ZNF521: variants seen among roughly 807,000 people sequenced by gnomAD.
The protein encoded by ZNF521 is LYST-interacting protein 3.
In ZNF521, 14 loss-of-function variants were observed where a neutral mutation model predicts 105.5. That is an observed-to-expected ratio of 0.13 (90% CI 0.09 to 0.21). The LOEUF is 0.21. ZNF521 is among the 10% of genes least tolerant of loss of function. The pLI is 1.00. For missense variants in ZNF521, 1,233 were observed against 1,629.7 expected, an observed-to-expected ratio of 0.76 and a Z score of 4.19; for synonymous variants, 635 against 606.0, an observed-to-expected ratio of 1.05 and a Z score of -0.70.
intron 3 of ZNF521, among the ~76,000 whole-genome samples, chr18:25,283,987 T>A (rs1344716084): frequency 7.1e-6 from 1 of 140,212 alleles, no homozygotes. Context: ...GACGGCTGAG[T>A]TCTGTGAGAA....
At chr18:25,260,236 A>T (rs1045555510) in intron 3 of ZNF521, among the ~76,000 whole-genome samples, 1 of 152,192 alleles carries the variant, frequency 6.6e-6, no homozygotes, top group Non-Finnish European at 1.5e-5. Flanking sequence ...CAAAAAAAAG[A>T]AATGCTAAAA....
At chr18:25,346,032 C>T (rs138769637) in intron 2 of ZNF521, among the ~76,000 whole-genome samples, 2 of 152,222 alleles carry the variant, frequency 1.3e-5, no homozygotes, top group African/African-American at 4.8e-5. Context: ...TTTTAAAAAA[C>T]TTACCTTAGG....
At chr18:25,244,884 C>A (rs1362381478) in intron 3 of ZNF521, among the ~76,000 whole-genome samples, 1 of 152,302 alleles carries the variant, frequency 6.6e-6, no homozygotes, top group Non-Finnish European at 1.5e-5. Flanking sequence ...TTCTACCAAC[C>A]TTATATATTT....
At chr18:25,078,600 T>C (rs2144156828) in intron 7 of ZNF521, among the ~76,000 whole-genome samples, 1 of 152,170 alleles carries the variant, frequency 6.6e-6, no homozygotes, top group South Asian at 2.1e-4. Context: ...ATAAGTGGAG[T>C]CTAAGGCATA....
chr18:25,194,641 C>A (rs1410562839), intron 5 of ZNF521, among the ~76,000 whole-genome samples: 1 of 151,664 alleles, frequency 6.6e-6, no homozygotes, highest in Admixed American at 6.6e-5. Flanking sequence ...GAATTCTTTA[C>A]ATGATCTTTA....
At chr18:25,131,999 T>G (rs1248412983) in intron 5 of ZNF521, among the ~76,000 whole-genome samples, 1 of 151,982 alleles carries the variant, frequency 6.6e-6, no homozygotes, top group Non-Finnish European at 1.5e-5. Context: ...AAAGAAAGGA[T>G]TTTTTAAAAG....
rs145372173 is a variant in ZNF521 at position 25,257,498 on chromosome 18, C to T, written c.221-29801G>A. Among the ~76,000 whole-genome samples the T allele has an allele frequency of 1.8e-3, 268 of 152,272 alleles. 3 individuals carry two copies. Among genetic ancestry groups the T allele is most frequent in the Non-Finnish European group, 1.9e-3 (128 of 68,026 alleles). On this transcript the variant is annotated intron_variant, in intron 3 of 7. Coordinates refer to ENST00000361524, the MANE Select transcript of ZNF521 (RefSeq NM_015461.3). The stretch of plus-strand genomic sequence containing the variant: ...GTTCAAAAGGGACTAGATTTCTATA[C>T]TGTTTCCTATCCATGCAGTTCTAAT...
At chr18:25,164,776 CTATT>C (rs1188529708) in intron 5 of ZNF521, among the ~76,000 whole-genome samples, 4 of 152,156 alleles carry the variant, frequency 2.6e-5, no homozygotes, top group Non-Finnish European at 1.5e-5. Flanking sequence ...ACTCAATTCA[CTATT>C]TATGCTGAAA....
rs570781015 is a variant in ZNF521 at position 25,312,653 on chromosome 18, A to C, written c.220+9355T>G. Among the ~76,000 whole-genome samples the C allele has an allele frequency of 1.9e-4, 19 of 102,034 alleles. 5 individuals carry two copies. The highest frequency in any genetic ancestry group is 6.4e-4 in the African/African-American group (17 of 26,764). The allele number at this position is 102,034 out of a possible 152,430, so 66.9% of individuals were successfully genotyped here. A position where few individuals can be genotyped will look rare whatever the true frequency, so the allele number is the denominator to read the frequency against. ...AGGTGAAACCCCGTCTCTACTAAAA[A>C]TACAAAAATTAGCCGGGCGCGGTGG... On this transcript the variant is annotated intron_variant, in intron 3 of 7. Transcript: ENST00000361524.
At chr18:25,073,309 T>C (rs951912141) in intron 7 of ZNF521, among the ~76,000 whole-genome samples, 1 of 152,226 alleles carries the variant, frequency 6.6e-6, no homozygotes, top group Non-Finnish European at 1.5e-5. Context: ...CCCTTTTCTC[T>C]TAGATTTTGA....
intron 5 of ZNF521, among the ~76,000 whole-genome samples, chr18:25,128,549 A>G (rs1430730937): frequency 6.6e-6 from 1 of 152,044 alleles, no homozygotes; most frequent in Non-Finnish European, 1.5e-5. Flanking sequence ...CTATGTAGAA[A>G]ATCCCAGAGA....
Position 25,227,757 on chromosome 18 carries a change from C to T in ZNF521, c.221-60G>A. The T allele has an allele frequency of 2.8e-6, 4 of 1,448,114 alleles. No individual in the cohort carries two copies. The African/African-American group carries it at 4.2e-5, about 15-fold the overall frequency. 89.7% of individuals were successfully genotyped at this position (1,448,114 alleles called of 1,614,324 possible). On this transcript the variant is annotated intron_variant, in intron 3 of 7. Coordinates refer to ENST00000361524, the MANE Select transcript of ZNF521 (RefSeq NM_015461.3). The surrounding 1 kb of genome is among the most constrained non-coding windows in gnomAD (Gnocchi z 5.7). Reference sequence around the variant, plus strand: ...ATGTTGAGATTCAAGAGTGAGTTTACCGTAGCATTTCAACCAGCACGCAGA... The same window carrying T: ...ATGTTGAGATTCAAGAGTGAGTTTATCGTAGCATTTCAACCAGCACGCAGA...
chr18:25,076,791 A>G (rs192473310), intron 7 of ZNF521, among the ~76,000 whole-genome samples: 1 of 151,348 alleles, frequency 6.6e-6, no homozygotes, highest in South Asian at 2.1e-4. Context: ...AAAACCATCA[A>G]AATAAAACAA....
intron 7 of ZNF521, among the ~76,000 whole-genome samples, chr18:25,066,749 C>A (rs531289176): frequency 6.6e-6 from 1 of 152,284 alleles, no homozygotes; most frequent in South Asian, 2.1e-4. Flanking sequence ...AGCAAGGACA[C>A]AAATGCATAT....
chr18:25,287,550 A>G (rs749892609), intron 3 of ZNF521, among the ~76,000 whole-genome samples: 8 of 152,146 alleles, frequency 5.3e-5, no homozygotes, highest in Non-Finnish European at 1.2e-4. Context: ...AATTTTCTGC[A>G]AGACATAAAA....
chr18:25,066,655 C>T (rs1013480837), intron 7 of ZNF521, among the ~76,000 whole-genome samples: 5 of 152,160 alleles, frequency 3.3e-5, no homozygotes, highest in African/African-American at 1.2e-4. Context: ...ACAGCAGAAG[C>T]GCCAAGCAAA....
At chr18:25,189,354 C>T (rs1164567325) in intron 5 of ZNF521, among the ~76,000 whole-genome samples, 1 of 152,180 alleles carries the variant, frequency 6.6e-6, no homozygotes. Context: ...ATTAAACCCT[C>T]TTCATATTTA....
chr18:25,167,645 C>T (rs1600111227), intron 5 of ZNF521, among the ~76,000 whole-genome samples: 1 of 152,074 alleles, frequency 6.6e-6, no homozygotes. Flanking sequence ...CCAATTCATG[C>T]CAACACTGTT....
intron 3 of ZNF521, among the ~76,000 whole-genome samples, chr18:25,320,625 A>G (rs921859559): frequency 6.6e-6 from 1 of 152,212 alleles, no homozygotes; most frequent in Non-Finnish European, 1.5e-5. Flanking sequence ...AGGAGAGGGA[A>G]GAAGAGAATA....
Sources: allele counts gnomAD v4.1 joint callset (sites outside exome capture counted in the v4.1 genomes callset), GRCh38; gene constraint gnomAD v4.1.1; non-coding constraint Gnocchi (gnomAD v3.1); transcripts MANE v1.5; gene names NCBI Gene and HGNC (gene_info 2026-07-23, HGNC 2026-07-21).